Variants in CACNA1I observed in about 807,000 individuals in gnomAD.
The protein encoded by CACNA1I is voltage-dependent T-type calcium channel subunit alpha-1I.
CACNA1I carries 74 observed loss-of-function variants against 201.6 expected under a neutral mutation model. The ratio of observed to expected loss-of-function variants is 0.37; its 90% CI spans 0.30 to 0.45. The LOEUF is 0.45. CACNA1I is among the 20% of genes least tolerant of loss of function. The probability of loss-of-function intolerance (pLI) is 1.00; values close to 1 mark genes in which losing one functional copy is unlikely to be tolerated. For synonymous variants in CACNA1I, 1,431 were observed against 1,345.2 expected, an observed-to-expected ratio of 1.06 and a Z score of -1.40; for missense variants, 2,346 against 3,138.1, an observed-to-expected ratio of 0.75 and a Z score of 6.03.
intron 10 of CACNA1I, among the ~76,000 whole-genome samples, chr22:39,655,552 TG>T (rs1569083378): frequency 6.6e-6 from 1 of 152,228 alleles, no homozygotes; most frequent in African/African-American, 2.4e-5. Context: ...ATGGTTCCCA[TG>T]GTGTCACTGC....
At chr22:39,593,128 C>T (rs1431621259) in intron 1 of CACNA1I, among the ~76,000 whole-genome samples, 1 of 151,706 alleles carries the variant, frequency 6.6e-6, no homozygotes, top group African/African-American at 2.4e-5. Context: ...CCATCTGCCT[C>T]CTGCGGGGAC....
At chr22:39,673,395 A>C (rs1210078155) in intron 28 of CACNA1I, among the ~76,000 whole-genome samples, 1 of 152,170 alleles carries the variant, frequency 6.6e-6, no homozygotes, top group Non-Finnish European at 1.5e-5. Context: ...TGATGCAAGG[A>C]ACCCAGTCCA....
In CACNA1I at chr22:39,618,600, G is replaced by GT. The variant is rs531647308; in HGVS notation, c.483-707dup. Among the ~76,000 whole-genome samples, 663 of 152,150 alleles carry GT rather than the reference G, an allele frequency of 4.4e-3. 5 individuals are homozygous for GT. The highest frequency in any genetic ancestry group is 7.5e-3 in the Non-Finnish European group (507 of 67,992). The stretch of plus-strand genomic sequence containing the variant: ...TGGCAGCTTCACAACAGTCGGACAG[G>GT]TTTGTGCAGCATGTAGGAAAAGCCT... On this transcript the variant is annotated intron_variant, in intron 3 of 36. Coordinates refer to ENST00000402142, the MANE Select transcript of CACNA1I (RefSeq NM_021096.4).
At chr22:39,668,202 G>A (rs926134370) in intron 23 of CACNA1I, 90 bp from the exon 24 acceptor site, 7 of 762,212 alleles carry the variant, frequency 9.2e-6, no homozygotes, top group Admixed American at 2.1e-5. Context: ...GCCTCCCAAG[G>A]GCAGAAGAAT....
chr22:39,618,075 G>C (rs975357897), intron 3 of CACNA1I, among the ~76,000 whole-genome samples: 1 of 151,746 alleles, frequency 6.6e-6, no homozygotes, highest in African/African-American at 2.4e-5. Context: ...GCGGGTGTGT[G>C]GTTGTTTGCA....
In CACNA1I at chr22:39,679,220, C is replaced by T. The variant is rs372774230; in HGVS notation, c.5169C>T (p.Asn1723=). The change falls in exon 32 of 37, where the codon AAC becomes AAT. Residue 1723 remains asparagine (N), a synonymous_variant. Transcript: ENST00000402142. ...FVLTAQFVLI[N]VVVAVLMKHL... ...TCACCGCGCAGTTCGTGCTCATCAA[C>T]GTGGTGGTGGCTGTGCTCATGAAGC... The T allele has an allele frequency of 1.1e-5, 17 of 1,593,644 alleles. No homozygotes were observed. In the African/African-American group the frequency reaches 1.3e-4, roughly 13 times the overall value.
At position 39,591,026 on chromosome 22, in the gene CACNA1I, T is replaced by TC. The variant is rs1269068711; in HGVS notation, c.237-7125_237-7124insC. Among the ~76,000 whole-genome samples, 407 of 152,010 alleles carry TC rather than the reference T, an allele frequency of 2.7e-3. 7 individuals are homozygous for TC. The highest frequency in any genetic ancestry group is 9.6e-3 in the African/African-American group (397 of 41,424). On this transcript the variant is annotated intron_variant, in intron 1 of 36. Transcript: ENST00000402142. ...AGCTGGCTAATTAAAAAATTTTTTT[T>TC]TTTTTTTGCAGATATGAGGTCTCAC...
intron 1 of CACNA1I, among the ~76,000 whole-genome samples, chr22:39,584,273 T>C (rs1932672653): frequency 6.6e-6 from 1 of 151,894 alleles, no homozygotes; most frequent in Non-Finnish European, 1.5e-5. Flanking sequence ...GAAGGGAGGT[T>C]CCAGAGAGTT....
In CACNA1I at chr22:39,635,342, G is replaced by T. The variant is rs192110156; in HGVS notation, c.740+618G>T. 9.9e-4 allele frequency among the ~76,000 whole-genome samples: 150 copies of T among 152,244 alleles called. 1 individual carries two copies. Among genetic ancestry groups the T allele is most frequent in the South Asian group, 3.5e-3 (17 of 4,828 alleles). On this transcript the variant is annotated intron_variant, in intron 5 of 36. Coordinates refer to ENST00000402142, the MANE Select transcript of CACNA1I (RefSeq NM_021096.4). ...TCGGGGCTCAGGATGCGGCAGAAGG[G>T]GGGGGGTCCCTGCCCCCTGCCCTTG...
chr22:39,673,129 G>T (rs371111103), intron 28 of CACNA1I, 47 bp downstream of exon 28: 23 of 1,167,470 alleles, frequency 2.0e-5, no homozygotes, highest in Non-Finnish European at 2.7e-5. Flanking sequence ...GCAGGGGCGG[G>T]ATGAGACTCC....
chr22:39,637,779 C>G (rs965237949), intron 5 of CACNA1I, among the ~76,000 whole-genome samples: 5 of 152,174 alleles, frequency 3.3e-5, no homozygotes, highest in Admixed American at 2.6e-4. Context: ...ATTTTTTTAG[C>G]ATTGTTTTTT....
In CACNA1I at chr22:39,670,965, G is replaced by C; in HGVS notation, c.4539+11G>C. 1 of 1,613,286 alleles carries C rather than the reference G, an allele frequency of 6.2e-7. No individual in the cohort carries two copies. The highest frequency in any genetic ancestry group is 8.5e-7 in the Non-Finnish European group (1 of 1,179,388). The stretch of plus-strand genomic sequence containing the variant: ...TACAATCAGCCCACGGTGAGCCCTG[G>C]TCTGCCTCCCAGCCCAAGGTTACAA... On this transcript the variant is annotated intron_variant, in intron 26 of 36. Transcript: ENST00000402142.
chr22:39,682,716 T>C, intron 35 of CACNA1I, 55 bp downstream of exon 35: 1 of 1,511,894 alleles, frequency 6.6e-7, no homozygotes, highest in Non-Finnish European at 9.0e-7. Context: ...GGCATCTGCT[T>C]CAGAGGGAGA....
intron 4 of CACNA1I, among the ~76,000 whole-genome samples, chr22:39,619,945 A>G (rs1397396521): frequency 6.6e-6 from 1 of 151,178 alleles, no homozygotes; most frequent in Admixed American, 6.6e-5. Flanking sequence ...CCATCCATCC[A>G]TCCATCCGTC....
chr22:39,681,915 A>G (rs567724828), intron 34 of CACNA1I, among the ~76,000 whole-genome samples: 48 of 152,128 alleles, frequency 3.2e-4, no homozygotes, highest in Middle Eastern at 3.4e-3. Context: ...CTCTCCTACA[A>G]AGGATATCAG....
chr22:39,670,295 C>T, intron 25 of CACNA1I, 65 bp downstream of exon 25: 1 of 1,519,996 alleles, frequency 6.6e-7, no homozygotes, highest in African/African-American at 1.4e-5. Flanking sequence ...GGGCCTGACC[C>T]CAGCCTCCTG....
chr22:39,581,452 C>T (rs752312014), intron 1 of CACNA1I, among the ~76,000 whole-genome samples: 26 of 152,128 alleles, frequency 1.7e-4, no homozygotes, highest in Non-Finnish European at 3.5e-4. Context: ...TGCTGGGTGC[C>T]GTTCCTGCTC....
chr22:39,578,944 A>C (rs529171810), intron 1 of CACNA1I, among the ~76,000 whole-genome samples: 1 of 152,058 alleles, frequency 6.6e-6, no homozygotes, highest in Non-Finnish European at 1.5e-5. Flanking sequence ...CGTGGTTCTC[A>C]ACCCCACCAG....
intron 31 of CACNA1I, among the ~76,000 whole-genome samples, chr22:39,678,906 C>T (rs573589149): frequency 2.2e-4 from 33 of 152,244 alleles, no homozygotes; most frequent in African/African-American, 7.5e-4. Flanking sequence ...CTGGGCCATC[C>T]GTCTGTCCAT....
Sources: allele counts gnomAD v4.1 joint callset (sites outside exome capture counted in the v4.1 genomes callset), GRCh38; gene constraint gnomAD v4.1.1; transcripts MANE v1.5; gene names NCBI Gene and HGNC (gene_info 2026-07-23, HGNC 2026-07-21).